The following TUSC3 variants were observed in gnomAD, a reference collection of about 807,000 sequenced individuals.
TUSC3 encodes dolichyl-diphosphooligosaccharide--protein glycosyltransferase subunit TUSC3.
Under a neutral mutation model 44.8 loss-of-function variants are expected in TUSC3, and 45 were observed. The ratio of observed to expected loss-of-function variants is 1.00; its 90% CI spans 0.79 to 1.29. The LOEUF is 1.29. TUSC3 is among the 50% of genes most tolerant of loss of function. TUSC3 has a pLI of 0.00. For synonymous variants in TUSC3, 212 were observed against 152.9 expected (o/e 1.39, Z -2.85); for missense variants, 519 against 437.9 (o/e 1.19, Z -1.65).
At chr8:15,573,262 G>C (rs1278643583) in intron 1 of TUSC3, among the ~76,000 whole-genome samples, 4 of 131,008 alleles carry the variant, frequency 3.1e-5, no homozygotes, top group Non-Finnish European at 6.2e-5. Flanking sequence ...ATACCATCAA[G>C]TCACTCCTGG....
chr8:15,459,590 C>T (rs1201389857), intron 1 of TUSC3, among the ~76,000 whole-genome samples: 3 of 151,986 alleles, frequency 2.0e-5, no homozygotes, highest in Non-Finnish European at 2.9e-5. Context: ...ACACTGCACC[C>T]TATTTGTAGT....
intron 1 of TUSC3, among the ~76,000 whole-genome samples, chr8:15,602,664 A>ATGTG (rs1237881073): frequency 2.9e-5 from 3 of 102,390 alleles, no homozygotes; most frequent in East Asian, 3.1e-4. Flanking sequence ...TAAAATATTT[A>ATGTG]TATGTGTGTG....
downstream of TUSC3, among the ~76,000 whole-genome samples, chr8:15,769,208 G>T (rs552925662): frequency 6.6e-6 from 1 of 152,224 alleles, no homozygotes; most frequent in East Asian, 1.9e-4. Flanking sequence ...AAAACAGCAT[G>T]GTACTGGTAT....
At chr8:15,538,079 C>T (rs898329139), upstream of TUSC3, among the ~76,000 whole-genome samples, 3 of 152,078 alleles carry the variant, frequency 2.0e-5, no homozygotes, top group Non-Finnish European at 2.9e-5. Context: ...ACCCACCAGC[C>T]GCAGGCAATC....
chr8:15,526,917 T>G (rs149365703), intron 2 of TUSC3, among the ~76,000 whole-genome samples: 2 of 152,322 alleles, frequency 1.3e-5, no homozygotes, highest in East Asian at 3.9e-4. Context: ...AATCACCATT[T>G]GATGTTGAAG....
intron 1 of TUSC3, among the ~76,000 whole-genome samples, chr8:15,554,465 T>G (rs955898482): frequency 3.3e-5 from 5 of 151,762 alleles, no homozygotes; most frequent in Non-Finnish European, 7.4e-5. Flanking sequence ...GTGAGCAGCC[T>G]CCCTGACAAC....
chr8:15,553,237 T>G (rs969343396), intron 1 of TUSC3, among the ~76,000 whole-genome samples: 1 of 151,690 alleles, frequency 6.6e-6, no homozygotes, highest in Non-Finnish European at 1.5e-5. Flanking sequence ...TGAAAATCAT[T>G]CGCCTAAATG....
chr8:15,809,353 G>A, the TUSC3 span, among the ~76,000 whole-genome samples: 1 of 152,122 alleles, frequency 6.6e-6, no homozygotes, highest in Non-Finnish European at 1.5e-5. Flanking sequence ...CTGTTTTTGT[G>A]TATGATCTCA....
chr8:15,502,178 C>A (rs898052443), intron 2 of TUSC3, among the ~76,000 whole-genome samples: 1 of 152,172 alleles, frequency 6.6e-6, no homozygotes, highest in Non-Finnish European at 1.5e-5. Context: ...AAATTGCAAA[C>A]TATGATTTTT....
chr8:15,499,151 C>T (rs1464789115), intron 2 of TUSC3, among the ~76,000 whole-genome samples: 1 of 152,050 alleles, frequency 6.6e-6, no homozygotes, highest in Non-Finnish European at 1.5e-5. Context: ...GTTCACTGTG[C>T]CTCTTGTTAA....
intron 2 of TUSC3, among the ~76,000 whole-genome samples, chr8:15,492,529 G>C (rs76764867): frequency 0.048 from 7,339 of 152,232 alleles, 235 homozygotes; most frequent in South Asian, 0.11. Context: ...CTGAAGACTT[G>C]AGGTGGTAAG....
Position 15,764,349 on chromosome 8 carries a change from G to T in TUSC3, c.*193G>T. ...TCTTGTGTACTTTTTTTAAACTGTG[G>T]GTTTTCCTAGTAAATTTAATTTACA... On this transcript the variant is annotated 3_prime_UTR_variant, in exon 11 of 11. Coordinates refer to ENST00000503731, the MANE Select transcript of TUSC3 (RefSeq NM_006765.4). 1 of 895,914 alleles carries T rather than the reference G, an allele frequency of 1.1e-6. No individual in the cohort carries two copies. The highest frequency in any genetic ancestry group is 1.7e-6 in the Non-Finnish European group (1 of 587,232). The allele number at this position is 895,914 out of a possible 1,614,324, so 55.5% of individuals were successfully genotyped here.
intron 3 of TUSC3, among the ~76,000 whole-genome samples, chr8:15,652,612 T>G (rs1806963301): frequency 6.6e-6 from 1 of 152,070 alleles, no homozygotes; most frequent in Admixed American, 6.6e-5. Context: ...CATATAAATA[T>G]GTAATTTCAA....
the TUSC3 span, among the ~76,000 whole-genome samples, chr8:15,847,623 T>C: frequency 6.6e-6 from 1 of 152,182 alleles, no homozygotes; most frequent in South Asian, 2.1e-4. Context: ...TAAAAAGCTC[T>C]TGTTTGGAAA....
chr8:15,507,354 T>C (rs1801070579), intron 2 of TUSC3, among the ~76,000 whole-genome samples: 1 of 152,206 alleles, frequency 6.6e-6, no homozygotes, highest in Admixed American at 6.5e-5. Flanking sequence ...ATCTCTCATA[T>C]ATACAACTTT....
chr8:15,592,887 C>T (rs758662347), intron 1 of TUSC3, among the ~76,000 whole-genome samples: 5 of 152,012 alleles, frequency 3.3e-5, no homozygotes, highest in South Asian at 2.1e-4. Flanking sequence ...TTAAGCTAGC[C>T]AGCCAGTAGT....
intron 2 of TUSC3, among the ~76,000 whole-genome samples, chr8:15,627,202 A>T (rs1185408627): frequency 6.6e-6 from 1 of 152,154 alleles, no homozygotes; most frequent in African/African-American, 2.4e-5. Context: ...AGCTGAGGAG[A>T]CAATGGTAGG....
At chr8:15,790,272 G>A in the TUSC3 span, among the ~76,000 whole-genome samples, 6 of 131,080 alleles carry the variant, frequency 4.6e-5, no homozygotes, top group African/African-American at 1.2e-4. Context: ...TGCAACCTCC[G>A]CCTCCCAGGT....
chr8:15,502,345 T>C (rs1800978695), intron 2 of TUSC3, among the ~76,000 whole-genome samples: 1 of 152,216 alleles, frequency 6.6e-6, no homozygotes, highest in South Asian at 2.1e-4. Flanking sequence ...TCATAGTCCA[T>C]CTGTTCTATT....
Sources: allele counts gnomAD v4.1 joint callset (sites outside exome capture counted in the v4.1 genomes callset), GRCh38; gene constraint gnomAD v4.1.1; transcripts MANE v1.5; gene names NCBI Gene and HGNC (gene_info 2026-07-23, HGNC 2026-07-21).